COBL: variants seen among roughly 807,000 people sequenced by gnomAD.
COBL encodes the protein cordon-bleu WH2 repeat protein, also known as protein cordon-bleu.
A neutral mutation model predicts 98.8 loss-of-function variants in COBL; 51 were observed. That is an observed-to-expected ratio of 0.52 (90% CI 0.41 to 0.65). COBL has a LOEUF of 0.65. Among genes scored for constraint, COBL ranks in the 30% least tolerant of loss-of-function variants. The pLI is 0.00. For missense variants in COBL, 1,617 were observed against 1,617.5 expected, an observed-to-expected ratio of 1.00 and a Z score of 0.01; for synonymous variants, 634 against 651.7, an observed-to-expected ratio of 0.97 and a Z score of 0.41.
At position 51,029,524 on chromosome 7, in the gene COBL, G is replaced by A. The variant is rs772404228; in HGVS notation, c.1572C>T (p.His524=). 1.2e-6 allele frequency: 2 copies of A among 1,613,830 alleles called. No homozygotes were observed. The highest frequency in any genetic ancestry group is 1.7e-6 in the Non-Finnish European group (2 of 1,179,870). The change falls in exon 10 of 13, where the codon CAC becomes CAT. Residue 524 remains histidine (H), a synonymous_variant. Transcript: ENST00000265136. ...LTSSIHGASN[H]CPQDAMIPHG... ...GAGGGATCATGGCATCCTGTGGGCAGTGGTTGGATGCACCATGGATGGAGC... is the reference window on the plus strand; with the variant it reads ...GAGGGATCATGGCATCCTGTGGGCAATGGTTGGATGCACCATGGATGGAGC...
chr7:51,187,630 T>C (rs770069396), intron 4 of COBL, among the ~76,000 whole-genome samples: 7 of 152,194 alleles, frequency 4.6e-5, no homozygotes, highest in South Asian at 4.1e-4. Context: ...CCCTGAATTA[T>C]TGGGCAACAG....
intron 1 of COBL, among the ~76,000 whole-genome samples, chr7:51,289,864 G>A (rs1055374447): frequency 1.3e-5 from 2 of 152,178 alleles, no homozygotes; most frequent in Admixed American, 6.6e-5. Context: ...CATAAAGACC[G>A]AACTGATGTT....
At chr7:51,203,850 A>G (rs28797270) in intron 2 of COBL, among the ~76,000 whole-genome samples, 1 of 152,208 alleles carries the variant, frequency 6.6e-6, no homozygotes, top group Non-Finnish European at 1.5e-5. Flanking sequence ...AAATAGAAAA[A>G]GAGGGCCTAT....
intron 7 of COBL, among the ~76,000 whole-genome samples, chr7:51,079,163 T>A (rs567737254): frequency 6.6e-6 from 1 of 152,280 alleles, no homozygotes; most frequent in South Asian, 2.1e-4. Flanking sequence ...ACTGAAGGCA[T>A]CCAGCAGCAA....
At position 51,300,140 on chromosome 7, in the gene COBL, CTGTTTTGTTTTGTTT is replaced by C. The variant is rs113190272; in HGVS notation, c.41+16438_41+16452del. On this transcript the variant is annotated intron_variant, in intron 1 of 12. Coordinates refer to ENST00000265136, the MANE Select transcript of COBL (RefSeq NM_015198.5). Reference sequence around the variant, plus strand: ...AGAATCAAAACTGAGGTTTGCTTTTCTGTTTTGTTTTGTTTTGTTTTGTTTTGTTTTGTTTTTTGA... The same window carrying C: ...AGAATCAAAACTGAGGTTTGCTTTTCTGTTTTGTTTTGTTTTGTTTTTTGA... Among the ~76,000 whole-genome samples, 466 of 148,362 alleles carry C rather than the reference CTGTTTTGTTTTGTTT, an allele frequency of 3.1e-3. 2 individuals are homozygous for C. The highest frequency in any genetic ancestry group is 6.9e-3 in the Admixed American group (103 of 15,000).
chr7:51,144,155 GA>G lies in COBL; in HGVS notation c.784-7825del, dbSNP rs1337705795. Among the ~76,000 whole-genome samples, 3 of 152,182 alleles carry G rather than the reference GA, an allele frequency of 2.0e-5. No individual in the cohort carries two copies. The East Asian group carries it at 5.8e-4, about 29-fold the overall frequency. ...AGCTGACACCTGCCAGGTGCAAAGA[GA>G]ACAACTAAGCCGGTTAGGGAGGAAA... is the stretch of plus-strand genomic sequence containing the variant. On this transcript the variant is annotated intron_variant, in intron 5 of 12. Coordinates refer to ENST00000265136, the MANE Select transcript of COBL (RefSeq NM_015198.5).
At chr7:51,235,459 C>T (rs1795169086) in intron 1 of COBL, among the ~76,000 whole-genome samples, 1 of 152,192 alleles carries the variant, frequency 6.6e-6, no homozygotes, top group African/African-American at 2.4e-5. Context: ...CCTTTAGCCC[C>T]CAGACACCTT....
chr7:51,085,867 T>C (rs1033566104), intron 6 of COBL, among the ~76,000 whole-genome samples: 2 of 152,168 alleles, frequency 1.3e-5, no homozygotes, highest in African/African-American at 4.8e-5. Flanking sequence ...AGAATCGCAA[T>C]GAAGTTTCTT....
At chr7:51,021,651 G>A (rs1786948332) in intron 12 of COBL, among the ~76,000 whole-genome samples, 1 of 152,116 alleles carries the variant, frequency 6.6e-6, no homozygotes, top group Admixed American at 6.5e-5. Flanking sequence ...AAGTCCAAAA[G>A]GTGAAATAAA....
chr7:51,236,266 T>C (rs765926887), intron 1 of COBL, among the ~76,000 whole-genome samples: 4 of 152,060 alleles, frequency 2.6e-5, no homozygotes, highest in Admixed American at 1.3e-4. Flanking sequence ...ATTTAAAACA[T>C]AGAGGGGGAT....
chr7:51,127,225 A>G lies in COBL; in HGVS notation c.957+8933T>C, dbSNP rs1402159821. ...ACATGGGTGGCTGCTACAAAGACAC[A>G]GAACTGGAAAGTCACAAACGTGAGC... is the stretch of plus-strand genomic sequence containing the variant. On this transcript the variant is annotated intron_variant, in intron 6 of 12. Coordinates refer to ENST00000265136, the MANE Select transcript of COBL (RefSeq NM_015198.5). 2.6e-5 allele frequency among the ~76,000 whole-genome samples: 4 copies of G among 152,338 alleles called. No homozygotes were observed. The East Asian group carries it at 7.7e-4, about 29-fold the overall frequency.
At chr7:51,272,531 C>G (rs911324463) in intron 1 of COBL, among the ~76,000 whole-genome samples, 2 of 152,116 alleles carry the variant, frequency 1.3e-5, no homozygotes, top group African/African-American at 4.8e-5. Context: ...AGAAAAAAAT[C>G]ATTTAAATTT....
At chr7:51,312,591 T>C (rs555882032) in intron 1 of COBL, among the ~76,000 whole-genome samples, 1 of 152,294 alleles carries the variant, frequency 6.6e-6, no homozygotes, top group East Asian at 1.9e-4. Flanking sequence ...CATCCTATAA[T>C]CATTGTTTTC....
chr7:51,125,027 G>C (rs1359650792), intron 6 of COBL, among the ~76,000 whole-genome samples: 1 of 152,038 alleles, frequency 6.6e-6, no homozygotes, highest in Non-Finnish European at 1.5e-5. Context: ...TGGCCAGGCT[G>C]GTCTTGAACT....
chr7:51,195,864 T>C (rs1790542409), intron 2 of COBL, among the ~76,000 whole-genome samples: 1 of 152,214 alleles, frequency 6.6e-6, no homozygotes, highest in Admixed American at 6.5e-5. Context: ...GAGACTTTGC[T>C]GAAATTGTTT....
At chr7:51,272,366 G>C (rs749180228) in intron 1 of COBL, among the ~76,000 whole-genome samples, 1 of 152,114 alleles carries the variant, frequency 6.6e-6, no homozygotes, top group Non-Finnish European at 1.5e-5. Flanking sequence ...AATTCATAGT[G>C]TATGTTTCAT....
In COBL at chr7:51,183,176, C is replaced by T. The variant is rs76067222; in HGVS notation, c.783+926G>A. Among the ~76,000 whole-genome samples the T allele has an allele frequency of 9.2e-3, 1,401 of 152,320 alleles. 19 individuals are homozygous for T. Among genetic ancestry groups the T allele is most frequent in the African/African-American group, 0.032 (1,321 of 41,568 alleles). On this transcript the variant is annotated intron_variant, in intron 5 of 12. Transcript: ENST00000265136. Reference sequence around the variant, plus strand: ...GGTGTCCGGCCTTGGGCTACATGCACCTATCTGCACCATGGCACTGAGAAG... The same window carrying T: ...GGTGTCCGGCCTTGGGCTACATGCATCTATCTGCACCATGGCACTGAGAAG...
chr7:51,208,324 G>A (rs1342898501), intron 2 of COBL, among the ~76,000 whole-genome samples: 4 of 151,096 alleles, frequency 2.6e-5, no homozygotes, highest in East Asian at 2.0e-4. Context: ...CAGCCACCCC[G>A]TCCAGGAGGG....
chr7:51,040,924 G>A (rs1446948435), intron 8 of COBL, among the ~76,000 whole-genome samples: 3 of 152,236 alleles, frequency 2.0e-5, no homozygotes, highest in South Asian at 2.1e-4. Flanking sequence ...AGTCCTATGC[G>A]CAGCATCCCG....
Sources: gnomAD v4.1 joint callset for allele counts (sites outside exome capture counted in the v4.1 genomes callset) on GRCh38, gnomAD v4.1.1 for gene constraint, MANE v1.5 for transcripts, NCBI Gene and HGNC (gene_info 2026-07-23, HGNC 2026-07-21) for gene names.